The following WDCP variants were observed in gnomAD, a reference collection of about 807,000 sequenced individuals.
The protein encoded by WDCP is WD repeat and coiled-coil-containing protein.
Under a neutral mutation model 41.6 loss-of-function variants are expected in WDCP, and 19 were observed. The observed-to-expected ratio is 0.46, with a 90% CI of 0.32 to 0.67. The LOEUF (loss-of-function observed/expected upper bound fraction) is 0.67, where lower values mean the gene tolerates loss of function less well. WDCP is among the 30% of genes least tolerant of loss of function. The pLI is 0.04. For synonymous variants in WDCP, 302 were observed against 320.8 expected (o/e 0.94, Z 0.63); for missense variants, 802 against 850.7 (o/e 0.94, Z 0.71).
In WDCP at chr2:24,038,591, A is replaced by T. The variant is rs1246753461; in HGVS notation, c.904T>A (p.Cys302Ser). 7 of 1,613,842 alleles carry T rather than the reference A, an allele frequency of 4.3e-6. No individual in the cohort carries two copies. The highest frequency in any genetic ancestry group is 5.9e-6 in the Non-Finnish European group (7 of 1,179,942). ...GTCAAGTAGTCCTTTTTTCTTAGAC[A>T]AATAAGAGAATTACCCTCAGACTTA... ...QHKSEGNSLICLRKKDYLTGT... is the reference protein window; with the variant it reads ...QHKSEGNSLISLRKKDYLTGT... The change falls in exon 2 of 4, where the codon TGT becomes AGT. Residue 302 changes from cysteine to serine, a missense_variant. Physicochemically the swap from Cys to Ser is moderately radical, Grantham distance 112. Coordinates refer to ENST00000295148, the MANE Select transcript of WDCP (RefSeq NM_025203.3).
chr2:24,043,083 G>A (rs560518258), intron 1 of WDCP, among the ~76,000 whole-genome samples: 78 of 149,696 alleles, frequency 5.2e-4, no homozygotes, highest in African/African-American at 1.9e-3. Flanking sequence ...CCTTTAATCC[G>A]AGCACTTTGG....
At chr2:24,046,257 G>A (rs1663622256) in intron 1 of WDCP, among the ~76,000 whole-genome samples, 1 of 152,132 alleles carries the variant, frequency 6.6e-6, no homozygotes, top group Non-Finnish European at 1.5e-5. Flanking sequence ...ACTGACATAG[G>A]GTTAATCATT....
chr2:24,043,845 T>C (rs182265384), intron 1 of WDCP, among the ~76,000 whole-genome samples: 5 of 152,076 alleles, frequency 3.3e-5, no homozygotes, highest in Admixed American at 1.3e-4. Flanking sequence ...TTATTTCGCA[T>C]ATCTCCTTGC....
intron 1 of WDCP, among the ~76,000 whole-genome samples, chr2:24,044,000 G>A (rs1663534093): frequency 6.6e-6 from 1 of 152,118 alleles, no homozygotes; most frequent in Non-Finnish European, 1.5e-5. Flanking sequence ...AGAAAACTGT[G>A]ATCTCTGTCC....
rs771463002 is a variant in WDCP, at chr2:24,030,726, C to T, written c.*207G>A. 8 of 551,884 alleles carry T rather than the reference C, an allele frequency of 1.4e-5. No homozygotes were observed. The highest frequency in any genetic ancestry group is 2.3e-5 in the Non-Finnish European group (7 of 307,280). The allele number at this position is 551,884 out of a possible 1,614,324, so 34.2% of individuals were successfully genotyped here. ...CACAGTCATGAATACATAAACACCA[C>T]TTTCGGAGCCATCTAATAAAGACTG... On this transcript the variant is annotated 3_prime_UTR_variant, in exon 4 of 4. Coordinates refer to ENST00000295148, the MANE Select transcript of WDCP (RefSeq NM_025203.3).
rs1663292121 is a variant in WDCP, at chr2:24,037,541, C to T, written c.1818+136G>A. ...CAACCAACCTGCAAAGGTGTACCAACTTGCCTGTAACATAACATGCCCAGC... is the reference window on the plus strand; with the variant it reads ...CAACCAACCTGCAAAGGTGTACCAATTTGCCTGTAACATAACATGCCCAGC... On this transcript the variant is annotated intron_variant, in intron 2 of 3. Coordinates refer to ENST00000295148, the MANE Select transcript of WDCP (RefSeq NM_025203.3). 2.2e-5 allele frequency: 22 copies of T among 1,000,906 alleles called. No individual in the cohort carries two copies. The South Asian group carries it at 3.9e-4, about 18-fold the overall frequency. The allele number at this position is 1,000,906 out of a possible 1,614,324, so 62.0% of individuals were successfully genotyped here. A position where few individuals can be genotyped will look rare whatever the true frequency, so the allele number is the denominator to read the frequency against.
In WDCP at chr2:24,043,041, A is replaced by AG. The variant is rs1663501501; in HGVS notation, c.-18-3530_-18-3529insC. On this transcript the variant is annotated intron_variant, in intron 1 of 3. Transcript: ENST00000295148. ...AGAGTGAAACTCCGTCTCAAAAAAAAAAAAAAAAATTACTGGGCCAGGTGG... is the reference window on the plus strand; with the variant it reads ...AGAGTGAAACTCCGTCTCAAAAAAAAGAAAAAAAAATTACTGGGCCAGGTGG... 2.0e-5 allele frequency among the ~76,000 whole-genome samples: 3 copies of AG among 151,792 alleles called. No homozygotes were observed. The South Asian group carries it at 6.3e-4, about 32-fold the overall frequency.
At position 24,039,517 on chromosome 2, in the gene WDCP, A is replaced by G. The variant is rs1663359525; in HGVS notation, c.-18-5T>C. 6.2e-7 allele frequency: 1 copy of G among 1,600,400 alleles called. No homozygotes were observed. Among genetic ancestry groups the G allele is most frequent in the Non-Finnish European group, 8.5e-7 (1 of 1,170,788 alleles). On this transcript the variant is annotated splice_region_variant and splice_polypyrimidine_tract_variant and intron_variant, in intron 1 of 3. Transcript: ENST00000295148. ...CATCCTTTTGATAAAGGTTACCTGA[A>G]ATGATTAAGAAGGAAAGTTACACCA...
chr2:24,030,717 TA>T lies in WDCP; in HGVS notation c.*215del. 1 of 542,542 alleles carries T rather than the reference TA, an allele frequency of 1.8e-6. No individual in the cohort carries two copies. The highest frequency in any genetic ancestry group is 3.0e-5 in the East Asian group (1 of 33,624). 33.6% of individuals were successfully genotyped at this position (542,542 alleles called of 1,614,324 possible). ...TCAAAACCACACAGTCATGAATACA[TA>T]AACACCACTTTCGGAGCCATCTAAT... On this transcript the variant is annotated 3_prime_UTR_variant, in exon 4 of 4. Transcript: ENST00000295148.
In WDCP at chr2:24,037,747, T is replaced by G; in HGVS notation, c.1748A>C (p.His583Pro). The stretch of plus-strand genomic sequence containing the variant: ...CACTGAAGAGGATTTCTTCCCATTA[T>G]GCAGACGGTTTGTAAGTTCAGAAAG... ...RCLSELTNRL[H>P]NGKKSSSVYP... Residue 583 changes from histidine to proline, a missense_variant, in exon 2 of 4, where the codon CAT becomes CCT. Physicochemically the swap from His to Pro is moderately conservative, Grantham distance 77. Around this residue, in one of 5 missense-constraint regions of WDCP, gnomAD observed 321 missense variants for 305.1 expected, o/e 1.05. Transcript: ENST00000295148. 1.2e-6 allele frequency: 2 copies of G among 1,614,248 alleles called. No homozygotes were observed. Among genetic ancestry groups the G allele is most frequent in the Non-Finnish European group, 1.7e-6 (2 of 1,180,030 alleles).
chr2:24,029,551 C>T lies in WDCP; in HGVS notation c.*1382G>A, dbSNP rs1573651582. ...CCTCAGACTGTTCTCAGTCACTGCT[C>T]TCCCACAGCTGATTACAGACATTGC... On this transcript the variant is annotated 3_prime_UTR_variant, in exon 4 of 4. Coordinates refer to ENST00000295148, the MANE Select transcript of WDCP (RefSeq NM_025203.3). 6.6e-6 allele frequency: 1 copy of T among 152,294 alleles called. No homozygotes were observed. Among genetic ancestry groups the T allele is most frequent in the East Asian group, 1.9e-4 (1 of 5,188 alleles). 9.4% of individuals were successfully genotyped at this position (152,294 alleles called of 1,614,324 possible).
At chr2:24,042,124 G>A (rs1215292111) in intron 1 of WDCP, among the ~76,000 whole-genome samples, 3 of 152,076 alleles carry the variant, frequency 2.0e-5, no homozygotes, top group African/African-American at 7.2e-5. Context: ...TATAAAGCCT[G>A]GGTGTGGCAG....
intron 2 of WDCP, 86 bp downstream of exon 2, chr2:24,037,591 A>G: frequency 7.3e-7 from 1 of 1,365,032 alleles, no homozygotes; most frequent in Non-Finnish European, 9.9e-7. Context: ...TTAGAGCACC[A>G]TCTTCCTCAT....
rs1417872824 is a variant in WDCP, at chr2:24,046,964, T to C, written c.-19+350A>G. Among the ~76,000 whole-genome samples the C allele has an allele frequency of 2.0e-5, 3 of 152,308 alleles. No homozygotes were observed. The South Asian group carries it at 6.2e-4, about 32-fold the overall frequency. On this transcript the variant is annotated intron_variant, in intron 1 of 3. Transcript: ENST00000295148. The stretch of plus-strand genomic sequence containing the variant: ...CACTCAGTGAAGTGACATAATGTAC[T>C]GAACTGCTCCTAGCTGTACCCAACT...
chr2:24,035,755 T>TA (rs1553317223), intron 2 of WDCP, among the ~76,000 whole-genome samples: 5 of 150,018 alleles, frequency 3.3e-5, no homozygotes, highest in African/African-American at 7.4e-5. Context: ...TCTCTATAGT[T>TA]AAAAAAAAAT....
Position 24,039,203 on chromosome 2 carries a change from T to C in WDCP, c.292A>G (p.Ser98Gly), listed in dbSNP as rs772027729. ...CAAGTCTGAGACGTCAGCCATTTGCTTGACTCCATAGGGCTGGGACACAGC... is the reference window on the plus strand; with the variant it reads ...CAAGTCTGAGACGTCAGCCATTTGCCTGACTCCATAGGGCTGGGACACAGC... Reference protein sequence around the residue: ...WQLCPSPMESSKWLTSQTCEI... With the variant: ...WQLCPSPMESGKWLTSQTCEI... Residue 98 changes from serine (S) to glycine (G), a missense_variant, in exon 2 of 4, where the codon AGC (serine) becomes GGC (glycine). This residue lies in a region of WDCP where 214 missense variants were observed against 252.9 expected (regional missense o/e 0.85). Coordinates refer to ENST00000295148, the MANE Select transcript of WDCP (RefSeq NM_025203.3). 2 of 1,614,250 alleles carry C rather than the reference T, an allele frequency of 1.2e-6. No homozygotes were observed. Among genetic ancestry groups the C allele is most frequent in the South Asian group, 2.2e-5 (2 of 91,088 alleles).
rs1663056521 is a variant in WDCP, at chr2:24,029,820, T to A, written c.*1113A>T. On this transcript the variant is annotated 3_prime_UTR_variant, in exon 4 of 4. Coordinates refer to ENST00000295148, the MANE Select transcript of WDCP (RefSeq NM_025203.3). ...GCCTAGCCACTCACTGATCAATTTG[T>A]TATGCGCCGTGACTGAAATCTGTGA... 6.6e-6 allele frequency: 1 copy of A among 152,384 alleles called. No homozygotes were observed. The highest frequency in any genetic ancestry group is 1.5e-5 in the Non-Finnish European group (1 of 68,040). 9.4% of individuals were successfully genotyped at this position (152,384 alleles called of 1,614,324 possible).
At chr2:24,032,410 G>A (rs529684576) in intron 3 of WDCP, among the ~76,000 whole-genome samples, 118 of 152,326 alleles carry the variant, frequency 7.7e-4, no homozygotes, top group African/African-American at 2.8e-3. Flanking sequence ...GCTGAGACAG[G>A]AGAATTGCTT....
chr2:24,032,766 G>C, intron 3 of WDCP, 63 bp downstream of exon 3: 1 of 920,104 alleles, frequency 1.1e-6, no homozygotes, highest in Non-Finnish European at 1.8e-6. Flanking sequence ...TACCGGCATA[G>C]TTAAAACAGA....
Sources: allele counts gnomAD v4.1 joint callset (sites outside exome capture counted in the v4.1 genomes callset), GRCh38; gene constraint gnomAD v4.1.1; regional missense constraint gnomAD v4.1.1; transcripts MANE v1.5; gene names NCBI Gene and HGNC (gene_info 2026-07-23, HGNC 2026-07-21).